Variants in TLN2 observed in about 807,000 individuals in gnomAD.
TLN2 encodes the protein talin 2.
Under a neutral mutation model 294.7 loss-of-function variants are expected in TLN2, and 118 were observed. That is an observed-to-expected ratio of 0.40 (90% CI 0.34 to 0.47). The LOEUF is 0.47. TLN2 is among the 20% of genes least tolerant of loss of function. The pLI, the probability that TLN2 is intolerant of heterozygous loss-of-function variation, is 0.84. For missense variants in TLN2, 3,083 were observed against 3,282.2 expected, an observed-to-expected ratio of 0.94 and a Z score of 1.48; for synonymous variants, 1,431 against 1,304.5, an observed-to-expected ratio of 1.10 and a Z score of -2.09.
At chr15:62,631,726 C>T (rs903743095) in intron 3 of TLN2, among the ~76,000 whole-genome samples, 26 of 148,904 alleles carry the variant, frequency 1.7e-4, no homozygotes, top group Middle Eastern at 3.4e-3. Context: ...TCCCTCCTCC[C>T]GCTTTTTCTT....
intron 37 of TLN2, among the ~76,000 whole-genome samples, chr15:62,756,436 A>AACAGGCT (rs1323922947): frequency 6.6e-6 from 1 of 152,080 alleles, no homozygotes; most frequent in Non-Finnish European, 1.5e-5. Context: ...CCTGTGAGAA[A>AACAGGCT]ACAGCCACAG....
chr15:62,513,738 A>G (rs939919850), intron 1 of TLN2, among the ~76,000 whole-genome samples: 19 of 152,236 alleles, frequency 1.2e-4, no homozygotes, highest in Non-Finnish European at 2.5e-4. Context: ...ATCCTTCTCT[A>G]GGTTTCAATC....
At chr15:62,800,963 A>T (rs2065891702) in intron 50 of TLN2, among the ~76,000 whole-genome samples, 194 bp downstream of exon 50, 1 of 152,196 alleles carries the variant, frequency 6.6e-6, no homozygotes, top group Admixed American at 6.5e-5. Context: ...ATTGATTTGT[A>T]AGTGTAATCA....
At chr15:62,443,056 AT>A (rs2035635565) in intron 1 of TLN2, among the ~76,000 whole-genome samples, 2 of 152,140 alleles carry the variant, frequency 1.3e-5, no homozygotes, top group Admixed American at 1.3e-4. Context: ...GACCTTTGTG[AT>A]TACACGAGGT....
intron 45 of TLN2, among the ~76,000 whole-genome samples, chr15:62,788,351 C>T (rs181575254): frequency 6.6e-6 from 1 of 152,210 alleles, no homozygotes; most frequent in East Asian, 1.9e-4. Flanking sequence ...AGGATGTTCC[C>T]CTAGTAAAAC....
At chr15:62,515,574 T>G (rs1200594030) in intron 1 of TLN2, among the ~76,000 whole-genome samples, 3 of 152,226 alleles carry the variant, frequency 2.0e-5, no homozygotes, top group Non-Finnish European at 4.4e-5. Context: ...GGGCATTTCT[T>G]ACTTAGATAC....
At chr15:62,501,529 G>T (rs775850689) in intron 1 of TLN2, among the ~76,000 whole-genome samples, 1 of 152,148 alleles carries the variant, frequency 6.6e-6, no homozygotes, top group South Asian at 2.1e-4. Context: ...CCGGGAAAAC[G>T]TTAATTCCTG....
intron 43 of TLN2, 21 bp downstream of exon 43, chr15:62,776,931 T>C (rs543472379): frequency 6.7e-7 from 1 of 1,483,350 alleles, no homozygotes; most frequent in African/African-American, 1.4e-5. Flanking sequence ...GCTCTAGGGC[T>C]CTCTACTCCC....
chr15:62,669,510 G>A lies in TLN2; in HGVS notation c.789-4317G>A, dbSNP rs535378429. ...AAAAGGCTGGCAGTAGGGTTTGGCGGAGAAGTGAGTTCTCAATGCACAGTT... is the reference window on the plus strand; with the variant it reads ...AAAAGGCTGGCAGTAGGGTTTGGCGAAGAAGTGAGTTCTCAATGCACAGTT... On this transcript the variant is annotated intron_variant, in intron 9 of 58. Transcript: ENST00000636159. Among the ~76,000 whole-genome samples, 117 of 152,358 alleles carry A rather than the reference G, an allele frequency of 7.7e-4. 2 individuals are homozygous for A. The South Asian group carries it at 0.024, about 31-fold the overall frequency.
At chr15:62,710,627 G>T (rs559380693) in intron 21 of TLN2, among the ~76,000 whole-genome samples, 39 of 149,686 alleles carry the variant, frequency 2.6e-4, no homozygotes, top group Non-Finnish European at 4.9e-4. Context: ...TAGCACATTT[G>T]TCAAAAACCA....
At chr15:62,820,688 G>A in intron 54 of TLN2, 78 bp downstream of exon 54, 4 of 1,536,902 alleles carry the variant, frequency 2.6e-6, no homozygotes, top group Non-Finnish European at 3.5e-6. Flanking sequence ...AGCTAGGAGT[G>A]CTGCAGGGAG....
rs1171916578 is a variant in TLN2 at position 62,468,752 on chromosome 15, A to AAT, written c.-238+78068_-238+78069insTA. ...AGAGCTAGACTCTGTCTCAAAAAAA[A>AAT]AATAAAAATAAAAAAAATACAAAAA... On this transcript the variant is annotated intron_variant, in intron 1 of 58. Transcript: ENST00000636159. 6.5e-5 allele frequency among the ~76,000 whole-genome samples: 7 copies of AAT among 107,740 alleles called. No homozygotes were observed. In the East Asian group the frequency reaches 8.7e-4, roughly 13 times the overall value. The allele number at this position is 107,740 out of a possible 152,430, so 70.7% of individuals were successfully genotyped here.
chr15:62,582,219 C>CACACACACACACACACACACAT (rs2045142251), intron 1 of TLN2, among the ~76,000 whole-genome samples: 5 of 135,390 alleles, frequency 3.7e-5, no homozygotes, highest in East Asian at 4.8e-4. Context: ...CACACACACA[C>CACACACACACACACACACACAT]ACACACACAC....
intron 1 of TLN2, among the ~76,000 whole-genome samples, chr15:62,522,751 T>G (rs1437759468): frequency 1.3e-5 from 2 of 151,974 alleles, no homozygotes; most frequent in African/African-American, 2.4e-5. Flanking sequence ...GCTGACATTT[T>G]GAGGACAGGA....
intron 1 of TLN2, among the ~76,000 whole-genome samples, chr15:62,445,228 G>T (rs1264490712): frequency 6.6e-6 from 1 of 152,162 alleles, no homozygotes; most frequent in Non-Finnish European, 1.5e-5. Flanking sequence ...TCTTATCCCT[G>T]CCAGTGGATA....
At chr15:62,545,746 G>C (rs1216079640) in intron 1 of TLN2, among the ~76,000 whole-genome samples, 3 of 152,286 alleles carry the variant, frequency 2.0e-5, no homozygotes, top group Non-Finnish European at 4.4e-5. Context: ...TCAGAACTCA[G>C]AACTCGAGCC....
intron 1 of TLN2, among the ~76,000 whole-genome samples, chr15:62,466,288 G>A (rs2037131335): frequency 1.3e-5 from 2 of 152,360 alleles, no homozygotes; most frequent in South Asian, 2.1e-4. Flanking sequence ...ATCAGAGAAC[G>A]AACTAGGACT....
At position 62,835,894 on chromosome 15, in the gene TLN2, C is replaced by T. The variant is rs752027860; in HGVS notation, c.7195C>T (p.Arg2399Trp). 24 of 1,614,030 alleles carry T rather than the reference C, an allele frequency of 1.5e-5. No individual in the cohort carries two copies. Among genetic ancestry groups the T allele is most frequent in the Non-Finnish European group, 1.7e-5 (20 of 1,180,038 alleles). The change falls in exon 57 of 59, where the codon CGG becomes TGG. Residue 2399 changes from arginine to tryptophan, a missense_variant. Coordinates refer to ENST00000636159, the MANE Select transcript of TLN2 (RefSeq NM_015059.3). ...CTTCTCCGTTGACTGTCCCCAGGCC[C>T]GGATGGTGGCGGCTGCGACCAGCAG... is the stretch of plus-strand genomic sequence containing the variant. Reference protein sequence around the residue: ...QWSQGLISAARMVAAATSSLC... With the variant: ...QWSQGLISAAWMVAAATSSLC...
At chr15:62,572,553 C>A (rs535636197) in intron 1 of TLN2, among the ~76,000 whole-genome samples, 137 of 152,280 alleles carry the variant, frequency 9.0e-4, no homozygotes, top group African/African-American at 3.0e-3. Flanking sequence ...TTAGATGGAG[C>A]CTACTCTCCA....
Sources: allele counts gnomAD v4.1 joint callset (sites outside exome capture counted in the v4.1 genomes callset), GRCh38; gene constraint gnomAD v4.1.1; transcripts MANE v1.5; gene names NCBI Gene and HGNC (gene_info 2026-07-23, HGNC 2026-07-21).